USP13: variants seen among roughly 807,000 people sequenced by gnomAD.
USP13 encodes the protein ubiquitin carboxyl-terminal hydrolase 13.
Under a neutral mutation model 107.8 loss-of-function variants are expected in USP13, and 68 were observed. The ratio of observed to expected loss-of-function variants is 0.63; its 90% CI spans 0.52 to 0.77. The LOEUF (loss-of-function observed/expected upper bound fraction) is 0.77, where lower values mean the gene tolerates loss of function less well. Ranked by LOEUF, USP13 falls within the 30% of genes least tolerant of loss-of-function variation. The probability of loss-of-function intolerance (pLI) is 0.00; values close to 1 mark genes in which losing one functional copy is unlikely to be tolerated. For synonymous variants in USP13, 377 were observed against 389.5 expected (o/e 0.97, Z 0.38); for missense variants, 945 against 1,093.3 (o/e 0.86, Z 1.91).
chr3:179,653,205 G>GCTCGCTCGC lies in USP13; in HGVS notation c.-18_-17insGCTCGCCTC. 3 of 1,471,724 alleles carry GCTCGCTCGC rather than the reference G, an allele frequency of 2.0e-6. No homozygotes were observed. The highest frequency in any genetic ancestry group is 2.7e-6 in the Non-Finnish European group (3 of 1,110,446). 91.2% of individuals were successfully genotyped at this position (1,471,724 alleles called of 1,614,324 possible). On this transcript the variant is annotated 5_prime_UTR_variant, in exon 1 of 21. Coordinates refer to ENST00000263966, the MANE Select transcript of USP13 (RefSeq NM_003940.3). The surrounding 1 kb of genome is among the most constrained non-coding windows in gnomAD (Gnocchi z 4.0). Reference sequence around the variant, plus strand: ...CTCCGGCTCCGGCTCGGCTCGCTCGGCTCCGGTGCGCGCCGAGGCCATGCA... The same window carrying GCTCGCTCGC: ...CTCCGGCTCCGGCTCGGCTCGCTCGGCTCGCTCGCCTCCGGTGCGCGCCGAGGCCATGCA...
intron 8 of USP13, among the ~76,000 whole-genome samples, chr3:179,728,278 G>T (rs1224835418): frequency 6.7e-6 from 1 of 149,572 alleles, no homozygotes; most frequent in Non-Finnish European, 1.5e-5. Context: ...GGCAGTTGCC[G>T]GGCGGAGGGT....
intron 6 of USP13, among the ~76,000 whole-genome samples, chr3:179,713,058 A>G (rs549993730): frequency 1.3e-5 from 2 of 152,304 alleles, no homozygotes; most frequent in African/African-American, 4.8e-5. Flanking sequence ...AAGAATATTA[A>G]CCCATTGTCT....
In USP13 at chr3:179,653,530, T is replaced by G; in HGVS notation, c.168+137T>G. 1.6e-6 allele frequency: 2 copies of G among 1,249,398 alleles called. No homozygotes were observed. The highest frequency in any genetic ancestry group is 2.2e-6 in the Non-Finnish European group (2 of 914,694). 77.4% of individuals were successfully genotyped at this position (1,249,398 alleles called of 1,614,324 possible). ...AGAGTTGGCTCAGGAACACTGCAGT[T>G]CGGCAGACACTTAGTGAGCGCCCCA... On this transcript the variant is annotated intron_variant, in intron 1 of 20. Transcript: ENST00000263966. This position sits in a 1 kb window ranked among gnomAD's most constrained non-coding sequence, Gnocchi z 4.0.
At chr3:179,759,319 T>C (rs998837465) in intron 16 of USP13, among the ~76,000 whole-genome samples, 4 of 152,198 alleles carry the variant, frequency 2.6e-5, no homozygotes, top group Non-Finnish European at 4.4e-5. Context: ...TAAACATGTA[T>C]GTTTGAGATT....
chr3:179,708,716 T>G, intron 5 of USP13, 57 bp from the exon 6 acceptor site: 1 of 1,592,414 alleles, frequency 6.3e-7, no homozygotes, highest in Non-Finnish European at 8.6e-7. Flanking sequence ...TCTTCTTAGA[T>G]GTTAAGTTTT....
chr3:179,765,950 A>G, intron 19 of USP13, 102 bp downstream of exon 19: 1 of 1,350,882 alleles, frequency 7.4e-7, no homozygotes, highest in Non-Finnish European at 1.0e-6. Context: ...CCATCATTCA[A>G]AAGTTAGCAC....
At chr3:179,672,278 G>A (rs1720770919) in intron 1 of USP13, among the ~76,000 whole-genome samples, 1 of 152,184 alleles carries the variant, frequency 6.6e-6, no homozygotes. Context: ...ACAATACAAA[G>A]TAGCAAATGA....
At position 179,677,109 on chromosome 3, in the gene USP13, C is replaced by T. The variant is rs369061249; in HGVS notation, c.169-4769C>T. Among the ~76,000 whole-genome samples the T allele has an allele frequency of 3.1e-3, 475 of 151,922 alleles. 3 individuals carry two copies. The highest frequency in any genetic ancestry group is 0.011 in the African/African-American group (454 of 41,464). On this transcript the variant is annotated intron_variant, in intron 1 of 20. Coordinates refer to ENST00000263966, the MANE Select transcript of USP13 (RefSeq NM_003940.3). The stretch of plus-strand genomic sequence containing the variant: ...CTGACCTCAAATGATCCACCTGCCT[C>T]GGCCTCCCAAAGTGCTGGAATTACA...
intron 5 of USP13, among the ~76,000 whole-genome samples, chr3:179,707,741 G>A (rs1003522300): frequency 1.3e-5 from 2 of 152,256 alleles, no homozygotes; most frequent in Middle Eastern, 3.4e-3. Context: ...CTCTTATTAG[G>A]TGCTGGTGTG....
intron 13 of USP13, among the ~76,000 whole-genome samples, chr3:179,750,001 AC>A (rs1241434823): frequency 2.0e-5 from 3 of 152,130 alleles, no homozygotes; most frequent in Admixed American, 2.0e-4. Flanking sequence ...GCCGTGGCTC[AC>A]ATCTGTAATC....
At chr3:179,749,118 A>G (rs1468602757) in intron 13 of USP13, among the ~76,000 whole-genome samples, 1 of 152,202 alleles carries the variant, frequency 6.6e-6, no homozygotes, top group Non-Finnish European at 1.5e-5. Context: ...TAGGTTTTCA[A>G]TACTGTAGAC....
chr3:179,658,863 GCAGGAC>G (rs1401782235), intron 1 of USP13, among the ~76,000 whole-genome samples: 2 of 152,186 alleles, frequency 1.3e-5, no homozygotes, highest in Admixed American at 1.3e-4. Context: ...GACAAGCTGA[GCAGGAC>G]CAGCAGCAGC....
intron 12 of USP13, 32 bp from the exon 13 acceptor site, chr3:179,745,011 T>C: frequency 3.7e-6 from 6 of 1,613,100 alleles, no homozygotes; most frequent in Non-Finnish European, 5.1e-6. Context: ...GTAAGAGCGA[T>C]TGCAAGGTCT....
At chr3:179,675,564 T>C (rs1459107956) in intron 1 of USP13, among the ~76,000 whole-genome samples, 2 of 151,260 alleles carry the variant, frequency 1.3e-5, no homozygotes, top group South Asian at 2.1e-4. Flanking sequence ...ATTATTATTA[T>C]TGAGATGGAG....
chr3:179,677,201 C>T (rs530948621), intron 1 of USP13, among the ~76,000 whole-genome samples: 10 of 152,062 alleles, frequency 6.6e-5, no homozygotes, highest in African/African-American at 2.4e-4. Flanking sequence ...GTGGCCATTC[C>T]TCTCTGAGTG....
intron 10 of USP13, among the ~76,000 whole-genome samples, chr3:179,737,277 G>T (rs1446709334): frequency 6.6e-6 from 1 of 152,184 alleles, no homozygotes; most frequent in African/African-American, 2.4e-5. Context: ...CTGTGCCTCA[G>T]TTTCCCCATC....
chr3:179,778,078 G>C (rs988700583), intron 19 of USP13, among the ~76,000 whole-genome samples: 3 of 152,104 alleles, frequency 2.0e-5, no homozygotes, highest in African/African-American at 4.8e-5. Flanking sequence ...TCAAACCTGG[G>C]ATTTTTTTCT....
chr3:179,738,971 C>G (rs1199505951), intron 10 of USP13, among the ~76,000 whole-genome samples: 1 of 152,148 alleles, frequency 6.6e-6, no homozygotes, highest in Admixed American at 6.5e-5. Flanking sequence ...TTTCACTTGC[C>G]AAGTGCTGGT....
chr3:179,731,856 A>G (rs1054242061), intron 10 of USP13, among the ~76,000 whole-genome samples: 1 of 152,118 alleles, frequency 6.6e-6, no homozygotes, highest in Non-Finnish European at 1.5e-5. Flanking sequence ...AGGCTCGTTC[A>G]GTTCTGTGTC....
Sources: allele counts gnomAD v4.1 joint callset (sites outside exome capture counted in the v4.1 genomes callset), GRCh38; gene constraint gnomAD v4.1.1; non-coding constraint Gnocchi (gnomAD v3.1); transcripts MANE v1.5; gene names NCBI Gene and HGNC (gene_info 2026-07-23, HGNC 2026-07-21).